CASP10: variants seen among roughly 807,000 people sequenced by gnomAD.
CASP10 encodes the protein caspase-10.
Under a neutral mutation model 48.5 loss-of-function variants are expected in CASP10, and 41 were observed. The observed-to-expected ratio is 0.85, with a 90% CI of 0.66 to 1.10. The LOEUF is 1.10. Among genes scored for constraint, CASP10 ranks in the 50% least tolerant of loss-of-function variants. The pLI, the probability that CASP10 is intolerant of heterozygous loss-of-function variation, is 0.00. For synonymous variants in CASP10, 232 were observed against 238.4 expected, an observed-to-expected ratio of 0.97 and a Z score of 0.25; for missense variants, 614 against 614.5, an observed-to-expected ratio of 1.00 and a Z score of 0.01.
At chr2:201,183,726 C>T (rs1185182876) in intron 1 of CASP10, among the ~76,000 whole-genome samples, 3 of 152,106 alleles carry the variant, frequency 2.0e-5, no homozygotes, top group Non-Finnish European at 2.9e-5. Flanking sequence ...AATGTGTATG[C>T]TCACATATGC....
At chr2:201,202,277 T>G (rs1277870587) in intron 5 of CASP10, among the ~76,000 whole-genome samples, 1 of 152,206 alleles carries the variant, frequency 6.6e-6, no homozygotes, top group Admixed American at 6.5e-5. Flanking sequence ...TCAAAAGAAG[T>G]TGAAAGATGA....
At chr2:201,223,817 A>G (rs1200264985), downstream of CASP10, among the ~76,000 whole-genome samples, 1 of 152,184 alleles carries the variant, frequency 6.6e-6, no homozygotes, top group Non-Finnish European at 1.5e-5. Flanking sequence ...GTTTTGTTTG[A>G]GACAGAGTCT....
At chr2:201,205,135 G>A (rs578100854) in intron 6 of CASP10, among the ~76,000 whole-genome samples, 1 of 152,238 alleles carries the variant, frequency 6.6e-6, no homozygotes, top group South Asian at 2.1e-4. Flanking sequence ...GAGGAATCAG[G>A]GAGTTGGCAG....
chr2:201,206,097 G>A (rs1401656360), intron 7 of CASP10, 124 bp downstream of exon 7: 4 of 633,450 alleles, frequency 6.3e-6, no homozygotes, highest in Non-Finnish European at 1.1e-5. Context: ...TAAGGGCTCC[G>A]AGCTGTTTGT....
intron 9 of CASP10, among the ~76,000 whole-genome samples, chr2:201,211,051 G>A (rs1945377338): frequency 6.6e-6 from 1 of 152,100 alleles, no homozygotes; most frequent in African/African-American, 2.4e-5. Flanking sequence ...GGTAGTTAGT[G>A]TATCCATCAC....
chr2:201,227,914 A>G (rs760722752), intron 9 of CASP10, among the ~76,000 whole-genome samples: 16 of 152,158 alleles, frequency 1.1e-4, no homozygotes, highest in Non-Finnish European at 4.4e-5. Context: ...CTACAGAATC[A>G]GTCATCTTCA....
intron 9 of CASP10, among the ~76,000 whole-genome samples, chr2:201,209,974 G>T (rs1048663305): frequency 2.0e-5 from 3 of 152,194 alleles, no homozygotes; most frequent in Non-Finnish European, 4.4e-5. Context: ...TAGGTGTTAT[G>T]GGAACATGCA....
At position 201,200,524 on chromosome 2, in the gene CASP10, T is replaced by G. The variant is rs763567142; in HGVS notation, c.685-3206T>G. 5.0e-6 allele frequency: 8 copies of G among 1,598,108 alleles called. No homozygotes were observed. In the Admixed American group the frequency reaches 1.3e-4, roughly 27 times the overall value. The stretch of plus-strand genomic sequence containing the variant: ...GTAGCTCCTGGAGCTTGGCAAAGGC[T>G]GGGCAAACGCCCACCTGAAGACTAT... On this transcript the variant is annotated intron_variant, in intron 5 of 9. Coordinates refer to ENST00000286186, the MANE Select transcript of CASP10 (RefSeq NM_032977.4).
chr2:201,186,508 C>G (rs1212874968), intron 2 of CASP10: 2 of 228,276 alleles, frequency 8.8e-6, no homozygotes, highest in East Asian at 2.0e-4. Flanking sequence ...GTAATGCATA[C>G]TTGGAGTGAA....
intron 8 of CASP10, 184 bp downstream of exon 8, chr2:201,208,367 C>T: frequency 1.0e-6 from 1 of 985,354 alleles, no homozygotes; most frequent in Non-Finnish European, 1.2e-6. Flanking sequence ...GAATCTTTGA[C>T]TATTCACAAT....
intron 1 of CASP10, among the ~76,000 whole-genome samples, chr2:201,185,499 G>A (rs1944383754): frequency 6.6e-6 from 1 of 152,000 alleles, no homozygotes; most frequent in Non-Finnish European, 1.5e-5. Context: ...TCTCTCTCTG[G>A]GAACATTTTG....
At chr2:201,209,622 A>G in intron 9 of CASP10, 60 bp downstream of exon 9, 1 of 1,512,052 alleles carries the variant, frequency 6.6e-7, no homozygotes, top group South Asian at 1.2e-5. Flanking sequence ...TTTTTATTTT[A>G]CTCTCATTCA....
At chr2:201,208,571 G>A (rs1266340850) in intron 8 of CASP10, 1 of 153,378 alleles carries the variant, frequency 6.5e-6, no homozygotes, top group African/African-American at 2.4e-5. Context: ...ACAACACTGG[G>A]TATTACGTGA....
intron 5 of CASP10, among the ~76,000 whole-genome samples, chr2:201,201,206 T>G (rs1257795417): frequency 6.6e-6 from 1 of 151,892 alleles, no homozygotes; most frequent in Non-Finnish European, 1.5e-5. Flanking sequence ...CCCGCCACCA[T>G]GCCTGGCTAA....
At chr2:201,186,225 T>A (rs1576061940) in intron 2 of CASP10, 101 bp downstream of exon 2, 2 of 827,496 alleles carry the variant, frequency 2.4e-6, no homozygotes, top group East Asian at 5.1e-5. Flanking sequence ...CTTTTGGTTA[T>A]CTACCTCCTT....
rs1326674355 is a variant in CASP10 at position 201,218,348 on chromosome 2, G to A, written c.*607G>A. The A allele has an allele frequency of 3.0e-6, 3 of 987,844 alleles. No individual in the cohort carries two copies. Among genetic ancestry groups the A allele is most frequent in the Middle Eastern group, 5.2e-4 (1 of 1,908 alleles). 61.2% of individuals were successfully genotyped at this position (987,844 alleles called of 1,614,324 possible). On this transcript the variant is annotated 3_prime_UTR_variant, in exon 10 of 10. Transcript: ENST00000286186. ...GAGACAGAGTCACTCCGTCACCTGG[G>A]CTGGAGTGCAGTGGTGGGATCACTG...
intron 1 of CASP10, among the ~76,000 whole-genome samples, chr2:201,184,587 G>A (rs1258884847): frequency 6.6e-6 from 1 of 152,252 alleles, no homozygotes; most frequent in Non-Finnish European, 1.5e-5. Flanking sequence ...GCCTCCCAAA[G>A]TGCTGGGATT....
At chr2:201,224,768 A>G (rs1945767099), downstream of CASP10, among the ~76,000 whole-genome samples, 1 of 152,244 alleles carries the variant, frequency 6.6e-6, no homozygotes, top group South Asian at 2.1e-4. Flanking sequence ...ACTGGTAAAT[A>G]GTAGAAATGG....
chr2:201,193,164 C>G, intron 4 of CASP10, 45 bp downstream of exon 4: 1 of 1,596,456 alleles, frequency 6.3e-7, no homozygotes, highest in Non-Finnish European at 8.6e-7. Flanking sequence ...CATGGAAATT[C>G]TTAAACCAAT....
Sources: gnomAD v4.1 joint callset for allele counts (sites outside exome capture counted in the v4.1 genomes callset) on GRCh38, gnomAD v4.1.1 for gene constraint, MANE v1.5 for transcripts, NCBI Gene and HGNC (gene_info 2026-07-23, HGNC 2026-07-21) for gene names.